The following TBX15 variants were observed in gnomAD, a reference collection of about 807,000 sequenced individuals.
TBX15 encodes the protein T-box transcription factor 15.
In TBX15, 18 loss-of-function variants were observed where a neutral mutation model predicts 53.9. The ratio of observed to expected loss-of-function variants is 0.33; its 90% confidence interval spans 0.23 to 0.49. The LOEUF is 0.49. Ranked by LOEUF, TBX15 falls within the 20% of genes least tolerant of loss-of-function variation. The probability of loss-of-function intolerance (pLI) is 0.98; values close to 1 mark genes in which losing one functional copy is unlikely to be tolerated. For missense variants in TBX15, 692 were observed against 749.5 expected (o/e 0.92, Z 0.90); for synonymous variants, 295 against 278.0 (o/e 1.06, Z -0.61).
chr1:118,890,962 G>T, intron 7 of TBX15: 1 of 1,303,318 alleles, frequency 7.7e-7, no homozygotes, highest in Non-Finnish European at 1.0e-6. Context: ...AGTCTTCTTT[G>T]AGGCTTTCAA....
chr1:118,955,982 C>T (rs149707002), intron 1 of TBX15, among the ~76,000 whole-genome samples: 33 of 152,236 alleles, frequency 2.2e-4, no homozygotes, highest in African/African-American at 7.7e-4. Flanking sequence ...CCATAATCTC[C>T]TTGAAGATCT....
intron 1 of TBX15, among the ~76,000 whole-genome samples, chr1:118,948,288 G>T (rs562772231): frequency 8.5e-5 from 13 of 152,188 alleles, no homozygotes; most frequent in African/African-American, 3.1e-4. Context: ...AGTCCACACC[G>T]AGAGATTGGC....
intron 1 of TBX15, among the ~76,000 whole-genome samples, chr1:118,981,706 C>G (rs1388335374): frequency 6.6e-6 from 1 of 152,188 alleles, no homozygotes; most frequent in African/African-American, 2.4e-5. Context: ...ACAGCGGGTC[C>G]TCCCTACTAA....
intron 1 of TBX15, among the ~76,000 whole-genome samples, chr1:118,941,800 C>T (rs1323453302): frequency 6.6e-6 from 1 of 152,126 alleles, no homozygotes; most frequent in Non-Finnish European, 1.5e-5. Flanking sequence ...CACCATAGCA[C>T]ACAGCATGCT....
intron 4 of TBX15, among the ~76,000 whole-genome samples, chr1:118,924,271 T>A (rs1655521346): frequency 6.6e-6 from 1 of 152,340 alleles, no homozygotes; most frequent in South Asian, 2.1e-4. Context: ...ACAAATTAGC[T>A]GAAACTGTCA....
intron 1 of TBX15, among the ~76,000 whole-genome samples, chr1:118,946,324 A>T (rs1446123418): frequency 6.6e-6 from 1 of 152,168 alleles, no homozygotes; most frequent in Non-Finnish European, 1.5e-5. Context: ...CCTAAAGTCA[A>T]TGGACAAGCT....
rs1653778405 is a variant in TBX15 at position 118,883,157 on chromosome 1, C to T, written c.*1575G>A. 1 of 152,598 alleles carries T rather than the reference C, an allele frequency of 6.6e-6. No individual in the cohort carries two copies. Among genetic ancestry groups the T allele is most frequent in the African/African-American group, 2.4e-5 (1 of 41,444 alleles). 9.5% of individuals were successfully genotyped at this position (152,598 alleles called of 1,614,324 possible). A position where few individuals can be genotyped will look rare whatever the true frequency, so the allele number is the denominator to read the frequency against. ...CTTTTCTTCATACATATTTTACATA[C>T]CCTTTTATTGCCCCCTTTTTCATAT... On this transcript the variant is annotated 3_prime_UTR_variant, in exon 8 of 8. Transcript: ENST00000369429.
At chr1:118,904,694 A>G (rs1030006566) in intron 6 of TBX15, among the ~76,000 whole-genome samples, 11 of 152,220 alleles carry the variant, frequency 7.2e-5, no homozygotes, top group African/African-American at 2.7e-4. Context: ...CATTGACTCA[A>G]TAAGTGTAGT....
chr1:118,907,272 C>G (rs1229098758), intron 6 of TBX15, among the ~76,000 whole-genome samples: 1 of 152,174 alleles, frequency 6.6e-6, no homozygotes, highest in Admixed American at 6.5e-5. Flanking sequence ...AGGTCACAGA[C>G]AGGATGAAGG....
intron 3 of TBX15, among the ~76,000 whole-genome samples, chr1:118,925,427 C>T (rs1655562087): frequency 6.6e-6 from 1 of 152,242 alleles, no homozygotes; most frequent in Non-Finnish European, 1.5e-5. Context: ...CCACCAAATA[C>T]TCCCAGTTCA....
intron 6 of TBX15, among the ~76,000 whole-genome samples, chr1:118,902,978 T>C (rs1427182649): frequency 2.6e-5 from 4 of 152,162 alleles, no homozygotes; most frequent in African/African-American, 9.7e-5. Context: ...ATTAACGTGT[T>C]CCACATGGTG....
At chr1:118,898,948 C>A (rs2101499867) in intron 7 of TBX15, 80 bp downstream of exon 7, 1 of 1,406,822 alleles carries the variant, frequency 7.1e-7, no homozygotes, top group Non-Finnish European at 1.0e-6. Context: ...TGGCCTGAGG[C>A]CAGATGTGCT....
intron 1 of TBX15, among the ~76,000 whole-genome samples, chr1:118,933,496 GT>G (rs142454091): frequency 0.19 from 28,592 of 149,212 alleles, 3,423 homozygotes; most frequent in Non-Finnish European, 0.27. Context: ...TTATAACTAG[GT>G]TTTACATGTC....
At chr1:118,946,601 T>A (rs1422270305) in intron 1 of TBX15, among the ~76,000 whole-genome samples, 1 of 152,206 alleles carries the variant, frequency 6.6e-6, no homozygotes, top group East Asian at 1.9e-4. Context: ...CACAGATTAC[T>A]AATGGTGCAT....
chr1:118,964,600 C>T (rs1656982411), intron 1 of TBX15, among the ~76,000 whole-genome samples: 1 of 152,212 alleles, frequency 6.6e-6, no homozygotes, highest in Admixed American at 6.5e-5. Flanking sequence ...GTTTTTAGGG[C>T]AGGGACTATT....
chr1:118,904,537 CT>C (rs1654747970), intron 6 of TBX15, among the ~76,000 whole-genome samples: 1 of 152,116 alleles, frequency 6.6e-6, no homozygotes, highest in Admixed American at 6.5e-5. Context: ...ATTAATGTGC[CT>C]TGCAATGGTT....
intron 7 of TBX15, chr1:118,890,957 T>G: frequency 7.7e-7 from 1 of 1,303,626 alleles, no homozygotes; most frequent in Non-Finnish European, 1.0e-6. Context: ...TGAGAAGTCT[T>G]CTTTGAGGCT....
chr1:118,961,404 G>T (rs572919802), intron 1 of TBX15, among the ~76,000 whole-genome samples: 13 of 152,236 alleles, frequency 8.5e-5, no homozygotes, highest in Middle Eastern at 6.8e-3. Flanking sequence ...CTACAGTCTC[G>T]ATGTTTGCAA....
chr1:118,946,533 C>T (rs992263184), intron 1 of TBX15, among the ~76,000 whole-genome samples: 1 of 152,118 alleles, frequency 6.6e-6, no homozygotes, highest in African/African-American at 2.4e-5. Context: ...TCTGCTGTAA[C>T]AAAATGCTTT....
Sources: gnomAD v4.1 joint callset for allele counts (sites outside exome capture counted in the v4.1 genomes callset) on GRCh38, gnomAD v4.1.1 for gene constraint, MANE v1.5 for transcripts, NCBI Gene and HGNC (gene_info 2026-07-23, HGNC 2026-07-21) for gene names.